The following ROBO2 variants were observed in gnomAD, a reference collection of about 807,000 sequenced individuals.
ROBO2 encodes roundabout homolog 2.
A neutral mutation model predicts 160.8 loss-of-function variants in ROBO2; 53 were observed. The observed-to-expected ratio is 0.33, with a 90% CI of 0.26 to 0.41. The LOEUF (loss-of-function observed/expected upper bound fraction) is 0.41, where lower values mean the gene tolerates loss of function less well. Among genes scored for constraint, ROBO2 ranks in the 10% least tolerant of loss-of-function variants. The pLI, the probability that ROBO2 is intolerant of heterozygous loss-of-function variation, is 1.00. For synonymous variants in ROBO2, 664 were observed against 611.7 expected (o/e 1.09, Z -1.26); for missense variants, 1,577 against 1,722.4 (o/e 0.92, Z 1.49).
Position 76,596,770 on chromosome 3 carries a change from C to A in ROBO2, c.110-501244C>A, listed in dbSNP as rs193167095. ...GAGATACAGTCTGCTAACCCATTCA[C>A]CCTGATGGCCCATTAAAGGTGGTAT... On this transcript the variant is annotated intron_variant, in intron 2 of 26. Coordinates refer to the ROBO2 transcript ENST00000487694. 6.2e-4 allele frequency among the ~76,000 whole-genome samples: 95 copies of A among 152,180 alleles called. 1 individual carries two copies. Among genetic ancestry groups the A allele is most frequent in the Admixed American group, 4.9e-3 (75 of 15,276 alleles).
intron 15 of ROBO2, among the ~76,000 whole-genome samples, chr3:77,578,036 G>T (rs2093813784): frequency 6.6e-6 from 1 of 151,898 alleles, no homozygotes. Flanking sequence ...GGAGTGGGTT[G>T]TGGCAGCACC....
chr3:76,160,834 TAC>T (rs1200871338), intron 2 of ROBO2, among the ~76,000 whole-genome samples: 2 of 152,192 alleles, frequency 1.3e-5, no homozygotes, highest in Non-Finnish European at 2.9e-5. Context: ...ACCCATGAAA[TAC>T]ACAGAGATTT....
At chr3:76,469,367 A>C (rs553004688) in intron 2 of ROBO2, among the ~76,000 whole-genome samples, 1 of 152,182 alleles carries the variant, frequency 6.6e-6, no homozygotes, top group Admixed American at 6.6e-5. Context: ...GTCATTCCTC[A>C]ATTTGTCCTC....
intron 2 of ROBO2, among the ~76,000 whole-genome samples, chr3:77,184,047 TAAAA>T (rs1437279286): frequency 6.6e-6 from 1 of 151,984 alleles, no homozygotes; most frequent in Non-Finnish European, 1.5e-5. Flanking sequence ...ACCTCCAGGA[TAAAA>T]ATATTTATAG....
intron 2 of ROBO2, among the ~76,000 whole-genome samples, chr3:76,003,792 C>T (rs1232361262): frequency 6.6e-6 from 1 of 152,162 alleles, no homozygotes; most frequent in East Asian, 1.9e-4. Context: ...TCACGGAGAA[C>T]GTGGAACCAC....
chr3:77,649,449 C>T (rs1417439792), exon 26 of ROBO2: 1 of 152,098 alleles, frequency 6.6e-6, no homozygotes, highest in African/African-American at 2.4e-5. Flanking sequence ...ATCTTCACTA[C>T]TGGGAAGCAA....
rs371529731 is a variant in ROBO2, at chr3:76,498,992, T to A, written c.109+561390T>A. Among the ~76,000 whole-genome samples the A allele has an allele frequency of 1.4e-3, 220 of 152,260 alleles. 1 individual carries two copies. In the South Asian group the frequency reaches 0.025, roughly 18 times the overall value. On this transcript the variant is annotated intron_variant, in intron 2 of 26. Transcript: ENST00000487694. ...CTGAGCCACTGCGCCCAGCAGTTTG[T>A]CTGCTTTTAATGCATGAGTCTGTAT...
intron 2 of ROBO2, among the ~76,000 whole-genome samples, chr3:76,442,393 T>G (rs1312955297): frequency 6.6e-6 from 1 of 152,176 alleles, no homozygotes; most frequent in Non-Finnish European, 1.5e-5. Context: ...GTTTTTTTGT[T>G]TCTCAAGTGG....
intron 2 of ROBO2, among the ~76,000 whole-genome samples, chr3:76,590,700 A>G (rs2086360389): frequency 6.6e-6 from 1 of 152,166 alleles, no homozygotes; most frequent in Admixed American, 6.5e-5. Context: ...CTATAGAATA[A>G]GGAGTGTTTA....
chr3:76,782,858 T>G (rs1057487152), intron 2 of ROBO2, among the ~76,000 whole-genome samples: 1 of 150,838 alleles, frequency 6.6e-6, no homozygotes, highest in African/African-American at 2.4e-5. Context: ...TCCATTTGCA[T>G]TTGTAGTAAT....
exon 26 of ROBO2, chr3:77,649,258 A>G (rs1279948797): frequency 6.6e-6 from 1 of 152,216 alleles, no homozygotes; most frequent in African/African-American, 2.4e-5. Context: ...AAACAGATTT[A>G]ATGGTGTTCT....
At chr3:76,075,073 C>T (rs538509858) in intron 2 of ROBO2, among the ~76,000 whole-genome samples, 31 of 152,158 alleles carry the variant, frequency 2.0e-4, no homozygotes, top group Admixed American at 5.9e-4. Flanking sequence ...CGAGCTTGAT[C>T]GTATTTATCC....
chr3:76,239,360 GTA>G (rs4054003), intron 2 of ROBO2, among the ~76,000 whole-genome samples: 97 of 150,142 alleles, frequency 6.5e-4, no homozygotes, highest in Middle Eastern at 3.5e-3. Flanking sequence ...ATACGTATAT[GTA>G]TATATATATA....
chr3:77,581,100 A>G (rs906441564), intron 16 of ROBO2, among the ~76,000 whole-genome samples: 1 of 152,094 alleles, frequency 6.6e-6, no homozygotes, highest in Non-Finnish European at 1.5e-5. Flanking sequence ...GCAACTTTAC[A>G]TGTGCTTATT....
At chr3:77,192,737 C>T (rs2081973554) in intron 2 of ROBO2, among the ~76,000 whole-genome samples, 2 of 147,678 alleles carry the variant, frequency 1.4e-5, no homozygotes, top group Non-Finnish European at 3.0e-5. Context: ...CCTCTGCCTC[C>T]TGGGTTCAAG....
At chr3:77,610,361 T>A (rs1382504150) in intron 21 of ROBO2, among the ~76,000 whole-genome samples, 1 of 152,052 alleles carries the variant, frequency 6.6e-6, no homozygotes, top group Non-Finnish European at 1.5e-5. Context: ...ACTAACATTA[T>A]CCTGTTCCTG....
intron 2 of ROBO2, among the ~76,000 whole-genome samples, chr3:77,272,883 A>G (rs895367360): frequency 6.6e-6 from 1 of 152,140 alleles, no homozygotes; most frequent in African/African-American, 2.4e-5. Flanking sequence ...CTCTATATAT[A>G]TTTAGATTAA....
intron 2 of ROBO2, among the ~76,000 whole-genome samples, chr3:76,513,206 C>G (rs1257841556): frequency 1.3e-5 from 2 of 152,080 alleles, no homozygotes; most frequent in Non-Finnish European, 2.9e-5. Context: ...ATGGAAGGCA[C>G]ATGGTGATGA....
At chr3:77,283,034 C>T (rs9883354) in intron 2 of ROBO2, among the ~76,000 whole-genome samples, 15,187 of 151,254 alleles carry the variant, frequency 0.1, 1,005 homozygotes, top group East Asian at 0.36. Flanking sequence ...ATTTTCTGTA[C>T]AACTTTGTTG....
Sources: allele counts gnomAD v4.1 joint callset (sites outside exome capture counted in the v4.1 genomes callset), GRCh38; gene constraint gnomAD v4.1.1; transcripts MANE v1.5; gene names NCBI Gene and HGNC (gene_info 2026-07-23, HGNC 2026-07-21).